Variants in MTFR1 observed in about 807,000 individuals in gnomAD.
MTFR1 encodes the protein chondrocyte protein with a poly-proline region.
In MTFR1, 28 loss-of-function variants were observed where a neutral mutation model predicts 38.8. The observed-to-expected ratio is 0.72, with a 90% CI of 0.53 to 0.99. MTFR1 has a LOEUF of 0.99. MTFR1 is among the 50% of genes least tolerant of loss of function. The pLI, the probability that MTFR1 is intolerant of heterozygous loss-of-function variation, is 0.00. For missense variants in MTFR1, 358 were observed against 395.5 expected (o/e 0.91, Z 0.81); for synonymous variants, 145 against 137.0 (o/e 1.06, Z -0.41).
At chr8:65,656,523 A>G (rs563175838) in intron 1 of MTFR1, among the ~76,000 whole-genome samples, 4 of 137,918 alleles carry the variant, frequency 2.9e-5, no homozygotes, top group Non-Finnish European at 6.2e-5. Flanking sequence ...TTTTTTTGAG[A>G]TGGAGTCTTT....
chr8:65,745,853 GTATT>G (rs1807648593), intron 3 of MTFR1, among the ~76,000 whole-genome samples: 1 of 152,126 alleles, frequency 6.6e-6, no homozygotes, highest in Admixed American at 6.5e-5. Context: ...ACACTACTGA[GTATT>G]TACTGTATTC....
At chr8:65,671,004 T>C (rs1378205724) in intron 2 of MTFR1, among the ~76,000 whole-genome samples, 4 of 152,286 alleles carry the variant, frequency 2.6e-5, no homozygotes, top group Middle Eastern at 3.4e-3. Context: ...AGAATATGGG[T>C]ATACTTTTTA....
intron 3 of MTFR1, among the ~76,000 whole-genome samples, chr8:65,760,382 T>C (rs771461684): frequency 2.0e-5 from 3 of 152,254 alleles, no homozygotes; most frequent in Non-Finnish European, 4.4e-5. Flanking sequence ...ACTTTTATTT[T>C]GCTTACAAAC....
At chr8:65,763,943 C>T (rs1370904624) in intron 3 of MTFR1, among the ~76,000 whole-genome samples, 1 of 152,182 alleles carries the variant, frequency 6.6e-6, no homozygotes, top group Non-Finnish European at 1.5e-5. Context: ...ATTTAGAAGA[C>T]AGAACATTCT....
chr8:65,673,487 T>A (rs950203633), intron 2 of MTFR1, among the ~76,000 whole-genome samples: 2 of 151,554 alleles, frequency 1.3e-5, no homozygotes, highest in Non-Finnish European at 2.9e-5. Context: ...TCCTGATGCA[T>A]GTGGGGCTTA....
At chr8:65,749,118 C>T (rs1299239613) in intron 3 of MTFR1, among the ~76,000 whole-genome samples, 3 of 152,166 alleles carry the variant, frequency 2.0e-5, no homozygotes, top group South Asian at 2.1e-4. Flanking sequence ...GGGAAGCACC[C>T]GCTCTGGCTT....
At chr8:65,757,905 C>A (rs1425961981) in intron 3 of MTFR1, among the ~76,000 whole-genome samples, 3 of 152,356 alleles carry the variant, frequency 2.0e-5, no homozygotes, top group East Asian at 3.9e-4. Context: ...GTGTGAGCCA[C>A]CACACCCAGC....
intron 4 of MTFR1, among the ~76,000 whole-genome samples, chr8:65,703,251 T>A (rs1423644337): frequency 6.6e-6 from 1 of 151,346 alleles, no homozygotes; most frequent in Non-Finnish European, 1.5e-5. Context: ...CAGGCATGGG[T>A]GGCACGCACC....
At position 65,741,061 on chromosome 8, in the gene MTFR1, T is replaced by C. The variant is rs113214390; in HGVS notation, c.*48+21580T>C. 7.2e-5 allele frequency among the ~76,000 whole-genome samples: 11 copies of C among 152,356 alleles called. 1 individual carries two copies. The highest frequency in any genetic ancestry group is 2.6e-4 in the African/African-American group (11 of 41,574). On this transcript the variant is annotated intron_variant, in intron 3 of 3. Transcript: ENST00000521247. Reference sequence around the variant, plus strand: ...AAATTTGGAAAAACTACCATTTTTATGATGTTTCGTTTTCCCTTCCATGGT... The same window carrying C: ...AAATTTGGAAAAACTACCATTTTTACGATGTTTCGTTTTCCCTTCCATGGT...
chr8:65,645,275 G>A (rs1367870612), intron 1 of MTFR1, among the ~76,000 whole-genome samples: 1 of 152,264 alleles, frequency 6.6e-6, no homozygotes, highest in Non-Finnish European at 1.5e-5. Flanking sequence ...TGGCTGATCC[G>A]CCGGGAAGTT....
intron 2 of MTFR1, among the ~76,000 whole-genome samples, chr8:65,672,585 A>C (rs776423412): frequency 6.6e-6 from 1 of 152,000 alleles, no homozygotes; most frequent in Non-Finnish European, 1.5e-5. Context: ...GTCTTGGCTC[A>C]TTGTAACCTC....
chr8:65,765,354 T>C (rs1427551428), intron 3 of MTFR1, among the ~76,000 whole-genome samples: 3 of 149,408 alleles, frequency 2.0e-5, no homozygotes, highest in African/African-American at 7.3e-5. Context: ...CCGGGCGTAG[T>C]GGCGGGCGCC....
At chr8:65,748,380 T>A (rs1279020338) in intron 3 of MTFR1, among the ~76,000 whole-genome samples, 1 of 152,166 alleles carries the variant, frequency 6.6e-6, no homozygotes, top group Non-Finnish European at 1.5e-5. Context: ...GGGATAAAAA[T>A]TATTAAGGTG....
intron 3 of MTFR1, among the ~76,000 whole-genome samples, chr8:65,757,323 AG>A (rs1276582503): frequency 6.6e-6 from 1 of 152,268 alleles, no homozygotes; most frequent in Admixed American, 6.5e-5. Flanking sequence ...GTTACAAGCC[AG>A]GAATTGTGGG....
intron 3 of MTFR1, among the ~76,000 whole-genome samples, chr8:65,688,679 C>T (rs1315404292): frequency 6.6e-6 from 1 of 150,630 alleles, no homozygotes; most frequent in Admixed American, 6.6e-5. Context: ...CTCCTGACCT[C>T]GTGATCCGCC....
chr8:65,745,525 T>C (rs1220039834), intron 3 of MTFR1: 6 of 950,910 alleles, frequency 6.3e-6, no homozygotes. Context: ...ACATTGTCTT[T>C]TGGAGATATT....
chr8:65,739,875 A>G (rs1156587936), intron 3 of MTFR1, among the ~76,000 whole-genome samples: 1 of 152,208 alleles, frequency 6.6e-6, no homozygotes, highest in African/African-American at 2.4e-5. Context: ...AGACACCAAA[A>G]TAATGAGAAT....
At chr8:65,678,892 T>G (rs1325648735) in intron 2 of MTFR1, among the ~76,000 whole-genome samples, 1 of 151,674 alleles carries the variant, frequency 6.6e-6, no homozygotes, top group Admixed American at 6.6e-5. Context: ...CTAAAAAAAT[T>G]TAAAAAAAAA....
At chr8:65,686,902 C>T (rs192886042) in intron 3 of MTFR1, among the ~76,000 whole-genome samples, 403 of 150,632 alleles carry the variant, frequency 2.7e-3, no homozygotes, top group Non-Finnish European at 3.7e-3. Flanking sequence ...CCAGCCTGGA[C>T]GACAGAGCAA....
Sources: gnomAD v4.1 joint callset for allele counts (sites outside exome capture counted in the v4.1 genomes callset) on GRCh38, gnomAD v4.1.1 for gene constraint, MANE v1.5 for transcripts, NCBI Gene and HGNC (gene_info 2026-07-23, HGNC 2026-07-21) for gene names.